Variants in IMMP2L observed in about 807,000 individuals in gnomAD.
The protein encoded by IMMP2L is mitochondrial inner membrane protease subunit 2.
Under a neutral mutation model 19.3 loss-of-function variants are expected in IMMP2L, and 18 were observed. The ratio of observed to expected loss-of-function variants is 0.93; its 90% CI spans 0.64 to 1.38. The LOEUF (loss-of-function observed/expected upper bound fraction) is 1.38. Ranked by LOEUF, IMMP2L falls within the 40% of genes most tolerant of loss-of-function variation. The probability of loss-of-function intolerance (pLI) is 0.00; values close to 1 mark genes in which losing one functional copy is unlikely to be tolerated. For missense variants in IMMP2L, 233 were observed against 218.2 expected, an observed-to-expected ratio of 1.07 and a Z score of -0.43; for synonymous variants, 76 against 73.0, an observed-to-expected ratio of 1.04 and a Z score of -0.21.
intron 3 of IMMP2L, among the ~76,000 whole-genome samples, chr7:111,243,518 T>A (rs1387949533): frequency 2.0e-5 from 3 of 150,606 alleles, no homozygotes; most frequent in African/African-American, 7.3e-5. Context: ...TGCTTTATTT[T>A]TTTTTTTTTT....
At chr7:111,189,227 A>G (rs1808603755) in intron 3 of IMMP2L, among the ~76,000 whole-genome samples, 1 of 152,122 alleles carries the variant, frequency 6.6e-6, no homozygotes, top group Non-Finnish European at 1.5e-5. Context: ...AAATAACAAA[A>G]TCAATTAGAG....
intron 5 of IMMP2L, among the ~76,000 whole-genome samples, chr7:110,868,932 CA>C (rs564933267): frequency 4.8e-4 from 69 of 144,194 alleles, no homozygotes; most frequent in Admixed American, 6.2e-4. Flanking sequence ...AAAATTAAAA[CA>C]AAAAAAAAAG....
chr7:111,223,983 T>C (rs1468469835), intron 3 of IMMP2L, among the ~76,000 whole-genome samples: 2 of 152,138 alleles, frequency 1.3e-5, no homozygotes, highest in Non-Finnish European at 2.9e-5. Flanking sequence ...GCCTTTTAAA[T>C]TGTTACAAGA....
At chr7:111,129,309 G>T (rs983370012) in intron 3 of IMMP2L, among the ~76,000 whole-genome samples, 1 of 151,776 alleles carries the variant, frequency 6.6e-6, no homozygotes, top group Admixed American at 6.6e-5. Context: ...CTAAATTGTG[G>T]CTATATTTTC....
At chr7:110,752,356 C>T (rs1797776039) in intron 5 of IMMP2L, among the ~76,000 whole-genome samples, 1 of 151,886 alleles carries the variant, frequency 6.6e-6, no homozygotes, top group African/African-American at 2.4e-5. Flanking sequence ...ACTGTCTAAC[C>T]AATGATCATA....
At chr7:111,130,594 T>C (rs777129139) in intron 3 of IMMP2L, among the ~76,000 whole-genome samples, 1 of 152,098 alleles carries the variant, frequency 6.6e-6, no homozygotes, top group Non-Finnish European at 1.5e-5. Context: ...TGGAGTGAGC[T>C]TGGAACATAA....
intron 5 of IMMP2L, among the ~76,000 whole-genome samples, chr7:110,779,795 T>G (rs1383774611): frequency 1.3e-5 from 2 of 151,806 alleles, no homozygotes; most frequent in Non-Finnish European, 2.9e-5. Context: ...AGGATCTTAC[T>G]CAGCCATCCA....
intron 3 of IMMP2L, among the ~76,000 whole-genome samples, chr7:110,966,106 T>C (rs1819518033): frequency 6.6e-6 from 1 of 152,074 alleles, no homozygotes; most frequent in Non-Finnish European, 1.5e-5. Context: ...AATGATGTTA[T>C]AGAAGAATAT....
intron 3 of IMMP2L, among the ~76,000 whole-genome samples, chr7:111,015,260 G>A (rs891718795): frequency 6.6e-6 from 1 of 152,060 alleles, no homozygotes; most frequent in Non-Finnish European, 1.5e-5. Flanking sequence ...ATAAAACATA[G>A]ATGAACTTTG....
At chr7:111,243,344 A>G (rs1168509329) in intron 3 of IMMP2L, among the ~76,000 whole-genome samples, 3 of 152,100 alleles carry the variant, frequency 2.0e-5, no homozygotes, top group Non-Finnish European at 4.4e-5. Context: ...GCATGTTGAC[A>G]GGAATGTACA....
At chr7:110,783,253 G>C (rs546709299) in intron 5 of IMMP2L, among the ~76,000 whole-genome samples, 16 of 151,898 alleles carry the variant, frequency 1.1e-4, no homozygotes, top group African/African-American at 2.9e-4. Flanking sequence ...TTGAAGCCCA[G>C]TATTAATATT....
At chr7:110,900,652 A>G (rs1811767846) in intron 4 of IMMP2L, among the ~76,000 whole-genome samples, 8 of 152,180 alleles carry the variant, frequency 5.3e-5, no homozygotes, top group Admixed American at 5.2e-4. Flanking sequence ...GAGATTCCCA[A>G]CCTTAACATT....
rs935077130 is a variant in IMMP2L, at chr7:110,666,554, G to A, written c.409-2833C>T. Among the ~76,000 whole-genome samples, 42 of 152,150 alleles carry A rather than the reference G, an allele frequency of 2.8e-4. No individual in the cohort carries two copies. The Middle Eastern group carries it at 0.01, about 37-fold the overall frequency. ...CTCCCAAAGTGCTGGGATTACAGGT[G>A]TGAGCCACCGTGCCTGGCCATTATT... On this transcript the variant is annotated intron_variant, in intron 5 of 5. Transcript: ENST00000405709.
chr7:110,887,750 TTTC>T (rs2129545678), intron 4 of IMMP2L, among the ~76,000 whole-genome samples: 1 of 151,676 alleles, frequency 6.6e-6, no homozygotes, highest in South Asian at 2.1e-4. Context: ...CTTTTTTTTT[TTTC>T]TCTCTTTTAT....
chr7:110,743,618 T>C (rs910004790), intron 5 of IMMP2L, among the ~76,000 whole-genome samples: 3 of 152,124 alleles, frequency 2.0e-5, no homozygotes, highest in Non-Finnish European at 2.9e-5. Context: ...GGTTGGTCAG[T>C]GGGTGCAGCC....
intron 4 of IMMP2L, among the ~76,000 whole-genome samples, chr7:110,927,379 G>A (rs11979090): frequency 0.011 from 1,737 of 152,168 alleles, 42 homozygotes; most frequent in African/African-American, 0.04. Flanking sequence ...TCCTAGAGCC[G>A]GTGAATATGT....
intron 3 of IMMP2L, among the ~76,000 whole-genome samples, chr7:111,029,125 A>C (rs900728883): frequency 6.6e-6 from 1 of 152,302 alleles, no homozygotes; most frequent in South Asian, 2.1e-4. Flanking sequence ...ATGATAAAAT[A>C]GTCACTTATT....
intron 5 of IMMP2L, among the ~76,000 whole-genome samples, chr7:110,885,880 C>G (rs1585139332): frequency 1.3e-5 from 2 of 152,006 alleles, no homozygotes; most frequent in East Asian, 3.9e-4. Context: ...AGAGGGGCTT[C>G]TGTACAAACA....
chr7:110,910,286 G>A (rs1240365982), intron 4 of IMMP2L, among the ~76,000 whole-genome samples: 4 of 152,106 alleles, frequency 2.6e-5, no homozygotes, highest in African/African-American at 9.7e-5. Context: ...AAGGTGAGAA[G>A]TTTCATTTTT....
Sources: allele counts gnomAD v4.1 joint callset (sites outside exome capture counted in the v4.1 genomes callset), GRCh38; gene constraint gnomAD v4.1.1; transcripts MANE v1.5; gene names NCBI Gene and HGNC (gene_info 2026-07-23, HGNC 2026-07-21).